The following ME2 variants were observed in gnomAD, a reference collection of about 807,000 sequenced individuals.
ME2 encodes malic enzyme 2, also known as NAD-dependent malic enzyme, mitochondrial.
ME2 carries 60 observed loss-of-function variants against 73.7 expected under a neutral mutation model. The ratio of observed to expected loss-of-function variants is 0.81; its 90% CI spans 0.66 to 1.01. ME2 has a LOEUF of 1.01. Ranked by LOEUF, ME2 falls within the 50% of genes least tolerant of loss-of-function variation. ME2 has a pLI of 0.00. For synonymous variants in ME2, 199 were observed against 236.9 expected, an observed-to-expected ratio of 0.84 and a Z score of 1.47; for missense variants, 594 against 705.5, an observed-to-expected ratio of 0.84 and a Z score of 1.79.
chr18:50,883,887 G>A (rs1473327714), intron 1 of ME2, among the ~76,000 whole-genome samples: 4 of 152,068 alleles, frequency 2.6e-5, no homozygotes. Context: ...AAACTCTCCA[G>A]TAAATAGCTT....
chr18:50,911,714 G>A (rs191430740), intron 3 of ME2, among the ~76,000 whole-genome samples: 1 of 152,302 alleles, frequency 6.6e-6, no homozygotes. Flanking sequence ...GTTGAGTTGT[G>A]ATGCATTTGA....
chr18:50,884,937 C>T (rs969320296), intron 1 of ME2, among the ~76,000 whole-genome samples: 5 of 152,056 alleles, frequency 3.3e-5, no homozygotes, highest in African/African-American at 1.2e-4. Flanking sequence ...TCACTGCAGC[C>T]GCCGCCTCTC....
chr18:50,939,712 CAGAG>C (rs1917902047), intron 14 of ME2, 72 bp downstream of exon 14: 1 of 1,042,756 alleles, frequency 9.6e-7, no homozygotes, highest in East Asian at 2.4e-5. Flanking sequence ...AAATTAAAGG[CAGAG>C]AGAGAATGGG....
At chr18:50,937,925 A>T (rs1159117946) in intron 13 of ME2, among the ~76,000 whole-genome samples, 1 of 152,130 alleles carries the variant, frequency 6.6e-6, no homozygotes, top group African/African-American at 2.4e-5. Flanking sequence ...AAACTGAAAG[A>T]CTCGTGTTTT....
chr18:50,932,603 G>A, intron 13 of ME2: 2 of 306,232 alleles, frequency 6.5e-6, no homozygotes, highest in Non-Finnish European at 1.2e-5. Context: ...TTGTAAAAAT[G>A]CAGAGGAACA....
chr18:50,929,565 TG>T (rs1726324470), intron 12 of ME2, among the ~76,000 whole-genome samples: 1 of 152,152 alleles, frequency 6.6e-6, no homozygotes, highest in Non-Finnish European at 1.5e-5. Context: ...TTGACCTTTT[TG>T]ACCACTCCAT....
chr18:50,911,595 A>G (rs1917157437), intron 3 of ME2, among the ~76,000 whole-genome samples: 1 of 152,146 alleles, frequency 6.6e-6, no homozygotes, highest in South Asian at 2.1e-4. Flanking sequence ...AGTGGACAGA[A>G]AAGGGCCCCC....
intron 2 of ME2, among the ~76,000 whole-genome samples, chr18:50,901,860 C>T (rs184184476): frequency 2.0e-4 from 30 of 152,290 alleles, no homozygotes; most frequent in Non-Finnish European, 4.3e-4. Context: ...TTTAAAAAAA[C>T]ACCTGAACAC....
chr18:50,947,147 C>T lies in ME2; in HGVS notation c.1718C>T (p.Pro573Leu). The T allele has an allele frequency of 6.2e-7, 1 of 1,613,552 alleles. No homozygotes were observed. The highest frequency in any genetic ancestry group is 1.1e-5 in the South Asian group (1 of 91,042). The stretch of plus-strand genomic sequence containing the variant: ...CTGCTGCCAGATGTGTATGAATGGC[C>T]AGAATCTGCATCAAGCCCTCCTGTG... ...DSLLPDVYEW[P>L]ESASSPPVIT... is the part of the protein sequence containing the mutation. The change falls in exon 16 of 16, where the codon CCA (proline) becomes CTA (leucine). Residue 573 changes from proline to leucine, a missense_variant. Physicochemically the swap from Pro to Leu is moderately conservative, Grantham distance 98 (BLOSUM62 -3). Coordinates refer to ENST00000321341, the MANE Select transcript of ME2 (RefSeq NM_002396.5).
At chr18:50,892,541 T>C (rs770468126) in intron 1 of ME2, among the ~76,000 whole-genome samples, 1 of 152,248 alleles carries the variant, frequency 6.6e-6, no homozygotes, top group Non-Finnish European at 1.5e-5. Flanking sequence ...GTCTGTTAGT[T>C]TCTGTGTTGG....
rs78116964 is a variant in ME2, at chr18:50,922,333, G to A, written c.1056+1146G>A. On this transcript the variant is annotated intron_variant, in intron 10 of 15. Transcript: ENST00000321341. ...GAAGAAACAGTTTAAAAGGTCGAGG[G>A]AGTTTTCCAAAGTCATCAGCTTATA... Among the ~76,000 whole-genome samples the A allele has an allele frequency of 4.3e-3, 656 of 152,300 alleles. 10 individuals carry two copies. The East Asian group carries it at 0.064, about 15-fold the overall frequency.
At chr18:50,916,071 T>A in intron 4 of ME2, 97 bp from the exon 5 acceptor site, 1 of 847,196 alleles carries the variant, frequency 1.2e-6, no homozygotes, top group Non-Finnish European at 1.9e-6. Context: ...ATACCATGTC[T>A]TGATATTTTA....
chr18:50,881,500 A>C (rs1916324186), intron 1 of ME2, among the ~76,000 whole-genome samples: 1 of 152,236 alleles, frequency 6.6e-6, no homozygotes, highest in African/African-American at 2.4e-5. Context: ...TTTTGATTTT[A>C]TGGTGGCATA....
intron 1 of ME2, among the ~76,000 whole-genome samples, chr18:50,895,394 T>C (rs949112921): frequency 1.3e-5 from 2 of 152,208 alleles, no homozygotes; most frequent in African/African-American, 4.8e-5. Flanking sequence ...AGAATCAGGA[T>C]AGTTTTTCTT....
chr18:50,886,116 A>G (rs62093581), intron 1 of ME2, among the ~76,000 whole-genome samples: 6 of 129,828 alleles, frequency 4.6e-5, no homozygotes, highest in South Asian at 2.3e-4. Context: ...TTCTATATAT[A>G]TGTGTGTGTG....
At position 50,925,296 on chromosome 18, in the gene ME2, T is replaced by C. The variant is rs183205336; in HGVS notation, c.1172-460T>C. On this transcript the variant is annotated intron_variant, in intron 11 of 15. Transcript: ENST00000321341. ...GAGTTTGAGACTAGCCTGGCCAACA[T>C]GGCAAAACCCCATCTCTACTAAAAA... Among the ~76,000 whole-genome samples the C allele has an allele frequency of 4.4e-3, 669 of 152,120 alleles. 10 individuals carry two copies. The East Asian group carries it at 0.066, about 15-fold the overall frequency.
intron 1 of ME2, among the ~76,000 whole-genome samples, chr18:50,882,885 G>A (rs1413680396): frequency 6.6e-6 from 1 of 152,052 alleles, no homozygotes; most frequent in African/African-American, 2.4e-5. Context: ...GAAGTCAGAG[G>A]TTGCAGTGAG....
chr18:50,907,230 C>T (rs577891548), intron 2 of ME2, among the ~76,000 whole-genome samples: 24 of 152,302 alleles, frequency 1.6e-4, no homozygotes, highest in African/African-American at 4.6e-4. Context: ...AGAAGAATCT[C>T]CAGCCCCTTC....
At chr18:50,912,754 A>T (rs1386907682) in intron 3 of ME2, 47 bp from the exon 4 acceptor site, 5 of 1,394,326 alleles carry the variant, frequency 3.6e-6, no homozygotes, top group Non-Finnish European at 4.7e-6. Context: ...AAGACTTTTA[A>T]TGTAATGCAG....
Sources: allele counts gnomAD v4.1 joint callset (sites outside exome capture counted in the v4.1 genomes callset), GRCh38; gene constraint gnomAD v4.1.1; transcripts MANE v1.5; gene names NCBI Gene and HGNC (gene_info 2026-07-23, HGNC 2026-07-21).